Variants in PPP1R13L observed in about 807,000 individuals in gnomAD.
PPP1R13L encodes the protein relA-associated inhibitor.
In PPP1R13L, 50 loss-of-function variants were observed where a neutral mutation model predicts 80.9. The observed-to-expected ratio is 0.62, with a 90% CI of 0.49 to 0.78. The LOEUF (loss-of-function observed/expected upper bound fraction) is 0.78. Among genes scored for constraint, PPP1R13L ranks in the 30% least tolerant of loss-of-function variants. PPP1R13L has a pLI of 0.00. For synonymous variants in PPP1R13L, 602 were observed against 534.3 expected, an observed-to-expected ratio of 1.13 and a Z score of -1.75; for missense variants, 1,200 against 1,205.9, an observed-to-expected ratio of 1.00 and a Z score of 0.07.
chr19:45,403,871 C>T (rs1973276673), intron 1 of PPP1R13L, among the ~76,000 whole-genome samples: 1 of 152,034 alleles, frequency 6.6e-6, no homozygotes, highest in Admixed American at 6.6e-5. Context: ...GGGAGATAGA[C>T]AGAGGGAGGT....
chr19:45,404,197 G>A (rs899791411), intron 1 of PPP1R13L, among the ~76,000 whole-genome samples: 1 of 152,166 alleles, frequency 6.6e-6, no homozygotes, highest in African/African-American at 2.4e-5. Context: ...TAAATGCCCG[G>A]CTATGCAAAC....
intron 8 of PPP1R13L, among the ~76,000 whole-genome samples, chr19:45,389,950 C>T (rs1365092089): frequency 4.0e-5 from 6 of 151,770 alleles, no homozygotes; most frequent in African/African-American, 1.5e-4. Context: ...CCCGCCACCA[C>T]CCCCAGCTAA....
Position 45,392,294 on chromosome 19 carries a change from C to T in PPP1R13L, c.1401G>A (p.Glu467=), listed in dbSNP as rs1171555494. The T allele has an allele frequency of 6.2e-7, 1 of 1,613,652 alleles. No homozygotes were observed. The highest frequency in any genetic ancestry group is 1.7e-5 in the Admixed American group (1 of 60,028). Residue 467 remains glutamate (E), a synonymous_variant, in exon 8 of 13, where the codon GAG becomes GAA. Transcript: ENST00000360957. ...PTELEPEPEI[E]GLLTPVLEAG... is the part of the protein sequence containing the mutation. ...CCTCCAGCACTGGTGTCAGCAGCCC[C>T]TCTATCTCCGGCTCAGGCTCCAGCT...
At position 45,386,192 on chromosome 19, in the gene PPP1R13L, G is replaced by A. The variant is rs1397472559; in HGVS notation, c.1816-12C>T. ...ACAGAGCGCATCTCCTGGGGGACAGGGCGCAGAGGTCAGCGACTTGGAGGG... is the reference window on the plus strand; with the variant it reads ...ACAGAGCGCATCTCCTGGGGGACAGAGCGCAGAGGTCAGCGACTTGGAGGG... On this transcript the variant is annotated splice_polypyrimidine_tract_variant and intron_variant, in intron 8 of 12. Transcript: ENST00000360957. 4 of 1,506,580 alleles carry A rather than the reference G, an allele frequency of 2.7e-6. No homozygotes were observed. Among genetic ancestry groups the A allele is most frequent in the Non-Finnish European group, 3.5e-6 (4 of 1,141,534 alleles). 93.3% of individuals were successfully genotyped at this position (1,506,580 alleles called of 1,614,324 possible). A position where few individuals can be genotyped will look rare whatever the true frequency, so the allele number is the denominator to read the frequency against.
In PPP1R13L at chr19:45,379,886, GTGA is replaced by G; in HGVS notation, c.*301_*303del. 3.6e-6 allele frequency: 1 copy of G among 276,030 alleles called. No homozygotes were observed. The highest frequency in any genetic ancestry group is 6.9e-6 in the Non-Finnish European group (1 of 143,982). 17.1% of individuals were successfully genotyped at this position (276,030 alleles called of 1,614,324 possible). ...GCAGGTGGCTGGCTTGCTGGGGGAT[GTGA>G]TGATGGTGGTAGGCATGGGAGGCAC... On this transcript the variant is annotated 3_prime_UTR_variant, in exon 13 of 13. Transcript: ENST00000360957.
intron 11 of PPP1R13L, among the ~76,000 whole-genome samples, chr19:45,385,127 G>A (rs1005706414): frequency 6.6e-6 from 1 of 152,128 alleles, no homozygotes; most frequent in African/African-American, 2.4e-5. Flanking sequence ...GAGAGATAGG[G>A]TACAGCCTTG....
In PPP1R13L at chr19:45,392,350, A is replaced by T. The variant is rs1972994956; in HGVS notation, c.1355-10T>A. 6.2e-7 allele frequency: 1 copy of T among 1,612,580 alleles called. No homozygotes were observed. Among genetic ancestry groups the T allele is most frequent in the South Asian group, 1.1e-5 (1 of 91,052 alleles). ...GGGGGTTTGGGGGGTCCTAGCCGGA[A>T]CAAGAGCCCATCAGAGGACAGGTCC... On this transcript the variant is annotated splice_polypyrimidine_tract_variant and intron_variant, in intron 7 of 12. Coordinates refer to ENST00000360957, the MANE Select transcript of PPP1R13L (RefSeq NM_006663.4).
chr19:45,382,992 C>CTTTTTT (rs1972794312), intron 11 of PPP1R13L, among the ~76,000 whole-genome samples: 1 of 88,634 alleles, frequency 1.1e-5, no homozygotes. Flanking sequence ...CATTTCTTTT[C>CTTTTTT]TTTCTTTTTT....
chr19:45,387,302 G>T (rs1394085948), intron 8 of PPP1R13L, among the ~76,000 whole-genome samples: 2 of 152,164 alleles, frequency 1.3e-5, no homozygotes, highest in Middle Eastern at 3.4e-3. Flanking sequence ...TATTCCAAGT[G>T]TGTGAGTGCA....
intron 1 of PPP1R13L, among the ~76,000 whole-genome samples, chr19:45,403,054 C>A (rs1472323495): frequency 6.6e-6 from 1 of 152,190 alleles, no homozygotes; most frequent in African/African-American, 2.4e-5. Flanking sequence ...TTGCTCTAAG[C>A]CTCTACTTGG....
chr19:45,397,984 CA>C lies in PPP1R13L; in HGVS notation c.198+20del, dbSNP rs760591109. The C allele has an allele frequency of 1.9e-6, 3 of 1,595,732 alleles. No individual in the cohort carries two copies. The highest frequency in any genetic ancestry group is 2.6e-6 in the Non-Finnish European group (3 of 1,167,862). Reference sequence around the variant, plus strand: ...GTGGCGAGAGGCTGGCTTTGGAGATCAAGGTGGGAACCAGGCTTACCCTAGA... The same window carrying C: ...GTGGCGAGAGGCTGGCTTTGGAGATCAGGTGGGAACCAGGCTTACCCTAGA... On this transcript the variant is annotated intron_variant, in intron 3 of 12. Coordinates refer to ENST00000360957, the MANE Select transcript of PPP1R13L (RefSeq NM_006663.4).
intron 1 of PPP1R13L, among the ~76,000 whole-genome samples, chr19:45,404,094 A>T (rs960970083): frequency 6.6e-6 from 1 of 152,162 alleles, no homozygotes; most frequent in Non-Finnish European, 1.5e-5. Flanking sequence ...AGAGAGCTGC[A>T]GAAGAAGGAG....
rs1303644883 is a variant in PPP1R13L, at chr19:45,401,028, G to A, written c.-21-2689C>T. Among the ~76,000 whole-genome samples the A allele has an allele frequency of 5.4e-5, 2 of 36,906 alleles. 1 individual carries two copies. Among genetic ancestry groups the A allele is most frequent in the Non-Finnish European group, 7.9e-5 (2 of 25,368 alleles). The allele number at this position is 36,906 out of a possible 152,430, so 24.2% of individuals were successfully genotyped here. On this transcript the variant is annotated intron_variant, in intron 1 of 12. Transcript: ENST00000360957. ...CCTGACCTCATGATCCGCCCGCCTC[G>A]GCCTCCCAAAGTGCTGGGATTACAG...
At position 45,395,479 on chromosome 19, in the gene PPP1R13L, T is replaced by C; in HGVS notation, c.1311A>G (p.Pro437=). Residue 437 remains proline (P), a synonymous_variant, in exon 7 of 13, where the codon CCA becomes CCG. Coordinates refer to ENST00000360957, the MANE Select transcript of PPP1R13L (RefSeq NM_006663.4). The part of the protein sequence containing the change: ...QPQTQPQTPT[P]APQHPQQTWP... ...ATGTCTGTTGGGGATGCTGGGGGGC[T>C]GGGGTAGGGGTTTGGGGTTGGGTCT... The C allele has an allele frequency of 5.9e-6, 1 of 170,342 alleles. No homozygotes were observed. Among genetic ancestry groups the C allele is most frequent in the Non-Finnish European group, 9.4e-6 (1 of 105,824 alleles). 10.6% of individuals were successfully genotyped at this position (170,342 alleles called of 1,614,324 possible). A position where few individuals can be genotyped will look rare whatever the true frequency, so the allele number is the denominator to read the frequency against.
At chr19:45,390,009 G>T (rs1972939457) in intron 8 of PPP1R13L, among the ~76,000 whole-genome samples, 1 of 151,934 alleles carries the variant, frequency 6.6e-6, no homozygotes, top group Non-Finnish European at 1.5e-5. Flanking sequence ...AGCCAGGATG[G>T]TCTTATCTCC....
Position 45,402,371 on chromosome 19 carries a change from A to T in PPP1R13L, c.-22+2628T>A, listed in dbSNP as rs1246380630. On this transcript the variant is annotated intron_variant, in intron 1 of 12. Coordinates refer to ENST00000360957, the MANE Select transcript of PPP1R13L (RefSeq NM_006663.4). Reference sequence around the variant, plus strand: ...AGTATTGGGATTACAGGCGTGAGCCACGGCGCCATGATCCCCAAATTTCCA... The same window carrying T: ...AGTATTGGGATTACAGGCGTGAGCCTCGGCGCCATGATCCCCAAATTTCCA... Among the ~76,000 whole-genome samples the T allele has an allele frequency of 3.3e-5, 5 of 152,314 alleles. No individual in the cohort carries two copies. The East Asian group carries it at 9.6e-4, about 29-fold the overall frequency.
chr19:45,385,755 G>A (rs761874795), intron 10 of PPP1R13L, 27 bp from the exon 11 acceptor site: 2 of 1,607,784 alleles, frequency 1.2e-6, no homozygotes, highest in South Asian at 2.2e-5. Flanking sequence ...GGGGTTGCGG[G>A]GAACGATGCG....
chr19:45,391,322 G>C (rs1022270133), intron 8 of PPP1R13L, among the ~76,000 whole-genome samples: 1 of 152,162 alleles, frequency 6.6e-6, no homozygotes, highest in African/African-American at 2.4e-5. Flanking sequence ...TGAACCCACT[G>C]TTGTGCCAAG....
chr19:45,380,670 T>A, intron 12 of PPP1R13L, among the ~76,000 whole-genome samples: 1 of 151,992 alleles, frequency 6.6e-6, no homozygotes, highest in East Asian at 1.9e-4. Context: ...ACACAAAAAA[T>A]TAGCTGGGCG....
Sources: allele counts gnomAD v4.1 joint callset (sites outside exome capture counted in the v4.1 genomes callset), GRCh38; gene constraint gnomAD v4.1.1; transcripts MANE v1.5; gene names NCBI Gene and HGNC (gene_info 2026-07-23, HGNC 2026-07-21).